Variants in EIF2AK1 observed in about 807,000 individuals in gnomAD.
EIF2AK1 encodes eukaryotic translation initiation factor 2-alpha kinase 1.
Under a neutral mutation model 77.9 loss-of-function variants are expected in EIF2AK1, and 54 were observed. The ratio of observed to expected loss-of-function variants is 0.69; its 90% confidence interval spans 0.56 to 0.87. The LOEUF is 0.87. Among genes scored for constraint, EIF2AK1 ranks in the 40% least tolerant of loss-of-function variants. The pLI is 0.00. For synonymous variants in EIF2AK1, 314 were observed against 290.5 expected, an observed-to-expected ratio of 1.08 and a Z score of -0.82; for missense variants, 810 against 768.6, an observed-to-expected ratio of 1.05 and a Z score of -0.64.
In EIF2AK1 at chr7:6,038,691, T is replaced by C. The variant is rs1788179363; in HGVS notation, c.1120-20A>G. On this transcript the variant is annotated intron_variant, in intron 9 of 14. Coordinates refer to ENST00000199389, the MANE Select transcript of EIF2AK1 (RefSeq NM_014413.4). The stretch of plus-strand genomic sequence containing the variant: ...CTGTGCCTAGGAGAGGACACAGTGA[T>C]GGCTCCCATCTTTGCACGATTCACT... 47 of 1,574,836 alleles carry C rather than the reference T, an allele frequency of 3.0e-5. No homozygotes were observed. The highest frequency in any genetic ancestry group is 4.1e-5 in the Non-Finnish European group (47 of 1,153,058).
Position 6,024,024 on chromosome 7 carries a change from A to G in EIF2AK1, c.*649T>C. ...GAAGTACCGGGGAACAGTGCAGGGC[A>G]AAGGCAGGAAAGAGATCTGAGCTGC... On this transcript the variant is annotated 3_prime_UTR_variant, in exon 15 of 15. Transcript: ENST00000199389. 7.6e-7 allele frequency: 1 copy of G among 1,321,878 alleles called. No individual in the cohort carries two copies. The highest frequency in any genetic ancestry group is 9.9e-7 in the Non-Finnish European group (1 of 1,011,320). 81.9% of individuals were successfully genotyped at this position (1,321,878 alleles called of 1,614,324 possible). A position where few individuals can be genotyped will look rare whatever the true frequency, so the allele number is the denominator to read the frequency against.
At position 6,035,336 on chromosome 7, in the gene EIF2AK1, T is replaced by A; in HGVS notation, c.1332+2088A>T. 2 of 1,074,446 alleles carry A rather than the reference T, an allele frequency of 1.9e-6. No homozygotes were observed. The highest frequency in any genetic ancestry group is 2.6e-6 in the Non-Finnish European group (2 of 756,700). The allele number at this position is 1,074,446 out of a possible 1,614,324, so 66.6% of individuals were successfully genotyped here. ...ATTTTGAAACACGTCCTTAAGGTAA[T>A]TGAAGGGTCTTACTTTAAATAAATA... On this transcript the variant is annotated intron_variant, in intron 11 of 14. Coordinates refer to ENST00000199389, the MANE Select transcript of EIF2AK1 (RefSeq NM_014413.4). This position sits in a 1 kb window ranked among gnomAD's most constrained non-coding sequence, Gnocchi z 5.5.
intron 11 of EIF2AK1, among the ~76,000 whole-genome samples, chr7:6,031,781 C>T (rs1439455668): frequency 6.6e-6 from 1 of 152,182 alleles, no homozygotes; most frequent in Admixed American, 6.6e-5. Context: ...CACACACAAA[C>T]CAACATGAGA....
intron 8 of EIF2AK1, among the ~76,000 whole-genome samples, chr7:6,041,839 T>TA (rs35008838): frequency 0.65 from 84,498 of 130,628 alleles, 26,684 homozygotes; most frequent in East Asian, 0.85. Flanking sequence ...AGACTCCATC[T>TA]AAAAAAAAAA....
rs562812863 is a variant in EIF2AK1, at chr7:6,024,301, G to C, written c.*372C>G. On this transcript the variant is annotated 3_prime_UTR_variant, in exon 15 of 15. Transcript: ENST00000199389. The stretch of plus-strand genomic sequence containing the variant: ...GGAAGACTGGCAGCTGTCAAAACTG[G>C]AACAGTCCAGTGAGTATGTGCAGGC... 6 of 1,216,136 alleles carry C rather than the reference G, an allele frequency of 4.9e-6. No homozygotes were observed. The highest frequency in any genetic ancestry group is 1.6e-5 in the African/African-American group (1 of 63,466). The allele number at this position is 1,216,136 out of a possible 1,614,324, so 75.3% of individuals were successfully genotyped here. A position where few individuals can be genotyped will look rare whatever the true frequency, so the allele number is the denominator to read the frequency against.
intron 3 of EIF2AK1, among the ~76,000 whole-genome samples, chr7:6,049,244 T>A (rs1270802999): frequency 1.3e-5 from 1 of 76,850 alleles, no homozygotes; most frequent in East Asian, 7.8e-4. Flanking sequence ...CCTCCCATCT[T>A]ACTAAAAACC....
At chr7:6,048,244 C>G (rs923017440) in intron 4 of EIF2AK1, among the ~76,000 whole-genome samples, 6 of 152,168 alleles carry the variant, frequency 3.9e-5, no homozygotes, top group African/African-American at 1.4e-4. Context: ...ACTCCCCATC[C>G]TTCCCTTACC....
Position 6,023,773 on chromosome 7 carries a change from A to G in EIF2AK1, c.*900T>C, listed in dbSNP as rs1359313748. 2 of 1,604,534 alleles carry G rather than the reference A, an allele frequency of 1.2e-6. No individual in the cohort carries two copies. Among genetic ancestry groups the G allele is most frequent in the East Asian group, 2.2e-5 (1 of 44,774 alleles). ...TATTATCAGTAAGGGGACTTGTATT[A>G]GAGTCAGAGTCTTTTTATTTAGGCC... is the stretch of plus-strand genomic sequence containing the variant. On this transcript the variant is annotated 3_prime_UTR_variant, in exon 15 of 15. Transcript: ENST00000199389.
Position 6,036,106 on chromosome 7 carries a change from G to A in EIF2AK1, c.1332+1318C>T, listed in dbSNP as rs760922343. The A allele has an allele frequency of 8.4e-5, 131 of 1,550,730 alleles. No individual in the cohort carries two copies. Among genetic ancestry groups the A allele is most frequent in the Non-Finnish European group, 1.1e-4 (129 of 1,147,084 alleles). On this transcript the variant is annotated intron_variant, in intron 11 of 14. Transcript: ENST00000199389. The surrounding 1 kb of genome is among the most constrained non-coding windows in gnomAD (Gnocchi z 4.6). ...TACCTTCAGCGCAGTTGCAATGTAA[G>A]AGATACGGCACTTCTGGCCAGGCTA...
Position 6,056,613 on chromosome 7 carries a change from A to AAAAAAT in EIF2AK1, c.119-1910_119-1909insATTTTT. Among the ~76,000 whole-genome samples, 171 of 43,716 alleles carry AAAAAAT rather than the reference A, an allele frequency of 3.9e-3. 1 individual carries two copies. The highest frequency in any genetic ancestry group is 0.027 in the East Asian group (43 of 1,582). 28.7% of individuals were successfully genotyped at this position (43,716 alleles called of 152,430 possible). On this transcript the variant is annotated intron_variant, in intron 1 of 14. Transcript: ENST00000199389. Reference sequence around the variant, plus strand: ...CATCTCAAGGGAAAAAAAAAAAAAAAATATATATATATATATATATATAAA... The same window carrying AAAAAAT: ...CATCTCAAGGGAAAAAAAAAAAAAAAAAAAATATATATATATATATATATATATAAA...
At position 6,049,990 on chromosome 7, in the gene EIF2AK1, G is replaced by A. The variant is rs368824407; in HGVS notation, c.333C>T (p.Asp111=). The change falls in exon 3 of 15, where the codon GAC becomes GAT. Residue 111 remains aspartate, a synonymous_variant. Transcript: ENST00000199389. ...MGLLSSFTCS[D]EFSSLRLHHN... is the part of the protein sequence containing the mutation. ...GATGTAGTCTCAATGAGCTAAACTC[G>A]TCACTACAAGTGAAAGAAGACAGCA... is the stretch of plus-strand genomic sequence containing the variant. 6.1e-5 allele frequency: 99 copies of A among 1,612,926 alleles called. No individual in the cohort carries two copies. The Middle Eastern group carries it at 6.6e-4, about 11-fold the overall frequency.
Position 6,026,712 on chromosome 7 carries a change from A to G in EIF2AK1, c.1764+16T>C. On this transcript the variant is annotated intron_variant, in intron 14 of 14. Transcript: ENST00000199389. Reference sequence around the variant, plus strand: ...ACCACCTTCACTCCAGGACCAAGAGAAAGAAAAGCACATACATTTCCAGAA... The same window carrying G: ...ACCACCTTCACTCCAGGACCAAGAGGAAGAAAAGCACATACATTTCCAGAA... The G allele has an allele frequency of 1.2e-6, 2 of 1,604,794 alleles. No homozygotes were observed. The highest frequency in any genetic ancestry group is 1.3e-5 in the African/African-American group (1 of 74,834).
rs758701066 is a variant in EIF2AK1, at chr7:6,024,769, C to G, written c.1797G>C (p.Glu599Asp). The G allele has an allele frequency of 6.3e-7, 1 of 1,580,956 alleles. No individual in the cohort carries two copies. Among genetic ancestry groups the G allele is most frequent in the East Asian group, 2.3e-5 (1 of 43,762 alleles). The change falls in exon 15 of 15, where the codon GAG (glutamate) becomes GAC (aspartate). Residue 599 changes from glutamate (E) to aspartate (D), a missense_variant. Glu to Asp is a conservative substitution (Grantham distance 45, BLOSUM62 2). Transcript: ENST00000199389. The part of the protein sequence containing the change: ...VNLTLQMKII[E>D]QEKEIAELKK... ...TTAGTTCTGCAATTTCTTTTTCTTG[C>G]TCTATTATCTTCATCTGTAGGGTGA...
rs1383778793 is a variant in EIF2AK1, at chr7:6,022,770, C to T, written c.*1903G>A. ...ATGGCTATCACAGCCATCTTGCCCT[C>T]ACATTCAAGAACTTACCATCATAGG... On this transcript the variant is annotated 3_prime_UTR_variant, in exon 15 of 15. Transcript: ENST00000199389. 1 of 152,650 alleles carries T rather than the reference C, an allele frequency of 6.6e-6. No homozygotes were observed. Among genetic ancestry groups the T allele is most frequent in the East Asian group, 1.9e-4 (1 of 5,206 alleles). The allele number at this position is 152,650 out of a possible 1,614,324, so 9.5% of individuals were successfully genotyped here. A position where few individuals can be genotyped will look rare whatever the true frequency, so the allele number is the denominator to read the frequency against.
At chr7:6,055,923 A>C (rs519611) in intron 1 of EIF2AK1, among the ~76,000 whole-genome samples, 98,582 of 144,856 alleles carry the variant, frequency 0.68, 33,559 homozygotes, top group East Asian at 0.85. Context: ...GCAGAGGTTG[A>C]GATGAGCTGA....
intron 14 of EIF2AK1, chr7:6,026,416 G>A (rs1489136992): frequency 1.0e-5 from 5 of 487,644 alleles, no homozygotes; most frequent in Non-Finnish European, 2.0e-5. Flanking sequence ...CACCCACCAG[G>A]CCCCAGGAAG....
chr7:6,043,649 G>A (rs1296976201), intron 7 of EIF2AK1, among the ~76,000 whole-genome samples: 5 of 151,134 alleles, frequency 3.3e-5, no homozygotes, highest in African/African-American at 9.7e-5. Flanking sequence ...GGCTGGTCTC[G>A]AACTCCTGAC....
rs140201209 is a variant in EIF2AK1, at chr7:6,042,980, G to A, written c.744C>T (p.Ala248=). The change falls in exon 8 of 15, where the codon GCC becomes GCT. Residue 248 remains alanine, a synonymous_variant. Coordinates refer to ENST00000199389, the MANE Select transcript of EIF2AK1 (RefSeq NM_014413.4). Reference sequence around the variant, plus strand: ...GCACTTCCAGAGATGGCAACTCAATGGCAGCTCTGTCTGCTGAATGAAAAC... The same window carrying A: ...GCACTTCCAGAGATGGCAACTCAATAGCAGCTCTGTCTGCTGAATGAAAAC... The part of the protein sequence containing the change: ...HVIQPRADRA[A]IELPSLEVLS... 116 of 1,613,986 alleles carry A rather than the reference G, an allele frequency of 7.2e-5. No individual in the cohort carries two copies. Among genetic ancestry groups the A allele is most frequent in the Non-Finnish European group, 8.8e-5 (104 of 1,179,996 alleles).
Position 6,024,430 on chromosome 7 carries a change from A to T in EIF2AK1, c.*243T>A. ...TCAACAGAGTTGAAAGGAGAAAATA[A>T]TTGAGGATGAGGTCCAAGTTTTTAG... On this transcript the variant is annotated 3_prime_UTR_variant, in exon 15 of 15. Coordinates refer to ENST00000199389, the MANE Select transcript of EIF2AK1 (RefSeq NM_014413.4). The T allele has an allele frequency of 1.5e-6, 2 of 1,369,050 alleles. No homozygotes were observed. Among genetic ancestry groups the T allele is most frequent in the Non-Finnish European group, 1.9e-6 (2 of 1,062,664 alleles). The allele number at this position is 1,369,050 out of a possible 1,614,324, so 84.8% of individuals were successfully genotyped here.
Sources: allele counts gnomAD v4.1 joint callset (sites outside exome capture counted in the v4.1 genomes callset), GRCh38; gene constraint gnomAD v4.1.1; non-coding constraint Gnocchi (gnomAD v3.1); transcripts MANE v1.5; gene names NCBI Gene and HGNC (gene_info 2026-07-23, HGNC 2026-07-21).